The following SLC24A4 variants were observed in gnomAD, a reference collection of about 807,000 sequenced individuals.
SLC24A4 encodes the protein sodium/potassium/calcium exchanger 4.
In SLC24A4, 53 loss-of-function variants were observed where a neutral mutation model predicts 79.0. The observed-to-expected ratio is 0.67, with a 90% CI of 0.54 to 0.84. The LOEUF is 0.84. Among genes scored for constraint, SLC24A4 ranks in the 40% least tolerant of loss-of-function variants. The probability of loss-of-function intolerance (pLI) is 0.00; values close to 1 mark genes in which losing one functional copy is unlikely to be tolerated. For synonymous variants in SLC24A4, 323 were observed against 323.8 expected (o/e 1.00, Z 0.03); for missense variants, 731 against 822.0 (o/e 0.89, Z 1.35).
At chr14:92,399,861 G>T (rs1052150001) in intron 2 of SLC24A4, among the ~76,000 whole-genome samples, 3 of 152,128 alleles carry the variant, frequency 2.0e-5, no homozygotes, top group Non-Finnish European at 1.5e-5. Flanking sequence ...GGAGGGTGGG[G>T]TTAGGGAGGA....
intron 12 of SLC24A4, among the ~76,000 whole-genome samples, chr14:92,477,401 A>AT (rs1434506266): frequency 4.6e-5 from 7 of 152,146 alleles, no homozygotes; most frequent in Non-Finnish European, 8.8e-5. Flanking sequence ...TTGCAAAATG[A>AT]TTTTTTTCCA....
At chr14:92,351,236 G>GCGCGCGCACA (rs112120101) in intron 2 of SLC24A4, among the ~76,000 whole-genome samples, 12 of 146,984 alleles carry the variant, frequency 8.2e-5, no homozygotes, top group South Asian at 2.2e-4. Flanking sequence ...ACACATACAC[G>GCGCGCGCACA]CACACACACA....
chr14:92,465,657 G>A (rs1045105168), intron 12 of SLC24A4, among the ~76,000 whole-genome samples: 13 of 152,236 alleles, frequency 8.5e-5, no homozygotes, highest in Admixed American at 1.3e-4. Context: ...CTGCTTCAGC[G>A]AGGAAGCATA....
At chr14:92,360,847 G>A (rs925576246) in intron 2 of SLC24A4, among the ~76,000 whole-genome samples, 1 of 152,288 alleles carries the variant, frequency 6.6e-6, no homozygotes, top group Non-Finnish European at 1.5e-5. Flanking sequence ...ACGTTACCAC[G>A]GAGGCTCCTC....
intron 4 of SLC24A4, among the ~76,000 whole-genome samples, chr14:92,439,792 C>T (rs987662414): frequency 6.6e-6 from 1 of 152,222 alleles, no homozygotes; most frequent in Non-Finnish European, 1.5e-5. Flanking sequence ...CCACCCCCAC[C>T]CCGCCAGGGG....
intron 2 of SLC24A4, among the ~76,000 whole-genome samples, chr14:92,373,322 G>T (rs574992513): frequency 6.6e-6 from 1 of 152,226 alleles, no homozygotes; most frequent in East Asian, 1.9e-4. Context: ...GGGATTACAG[G>T]CGTGAGCCAC....
intron 2 of SLC24A4, among the ~76,000 whole-genome samples, chr14:92,364,688 T>C (rs1887724836): frequency 6.6e-6 from 1 of 152,194 alleles, no homozygotes; most frequent in Non-Finnish European, 1.5e-5. Flanking sequence ...CATCTGTGCA[T>C]GGCTGGCCCC....
chr14:92,450,885 C>G (rs188082901), intron 10 of SLC24A4: 2 of 152,530 alleles, frequency 1.3e-5, no homozygotes, highest in Admixed American at 1.3e-4. Flanking sequence ...ATGGGGGCCT[C>G]AGCTCCTCAC....
At chr14:92,377,344 G>T (rs547640880) in intron 2 of SLC24A4, among the ~76,000 whole-genome samples, 1 of 152,302 alleles carries the variant, frequency 6.6e-6, no homozygotes, top group Admixed American at 6.5e-5. Context: ...CATGGTCCTT[G>T]TTCATAAAGT....
chr14:92,427,270 C>G (rs1298259301), intron 2 of SLC24A4, among the ~76,000 whole-genome samples: 12 of 152,354 alleles, frequency 7.9e-5, no homozygotes, highest in Non-Finnish European at 2.9e-5. Context: ...ACATTCACTC[C>G]ATAGGCATTT....
chr14:92,419,826 C>T (rs1347997845), intron 2 of SLC24A4, among the ~76,000 whole-genome samples: 1 of 152,120 alleles, frequency 6.6e-6, no homozygotes, highest in Non-Finnish European at 1.5e-5. Flanking sequence ...TTGTTTTTCC[C>T]CAAAAGATAT....
chr14:92,341,204 A>T (rs999612695), intron 2 of SLC24A4, among the ~76,000 whole-genome samples: 1 of 152,176 alleles, frequency 6.6e-6, no homozygotes, highest in Non-Finnish European at 1.5e-5. Context: ...GGGAGGGGCC[A>T]CTGGCGCCTT....
intron 2 of SLC24A4, among the ~76,000 whole-genome samples, chr14:92,382,318 G>C (rs1026235062): frequency 3.9e-5 from 6 of 152,128 alleles, no homozygotes; most frequent in Admixed American, 3.3e-4. Flanking sequence ...GAACAGCCTT[G>C]CTCCACAACT....
chr14:92,324,579 G>C (rs1441730984), intron 1 of SLC24A4, among the ~76,000 whole-genome samples: 3 of 152,236 alleles, frequency 2.0e-5, no homozygotes, highest in Admixed American at 2.0e-4. Context: ...TTTGGGAGTA[G>C]CTTAGGCTAT....
intron 2 of SLC24A4, among the ~76,000 whole-genome samples, chr14:92,349,352 G>T (rs1332132837): frequency 1.3e-5 from 2 of 152,148 alleles, no homozygotes; most frequent in Admixed American, 1.3e-4. Flanking sequence ...TAGAGACAGG[G>T]TTTCGCCATG....
intron 2 of SLC24A4, among the ~76,000 whole-genome samples, chr14:92,418,041 C>G (rs1265299047): frequency 6.6e-6 from 1 of 152,224 alleles, no homozygotes; most frequent in East Asian, 1.9e-4. Flanking sequence ...GAAGCTGTTC[C>G]TTCCTTTCCA....
At chr14:92,413,200 C>T (rs910270153) in intron 2 of SLC24A4, among the ~76,000 whole-genome samples, 2 of 152,180 alleles carry the variant, frequency 1.3e-5, no homozygotes, top group African/African-American at 4.8e-5. Context: ...CTGCTGCTCT[C>T]CAATAAGGAG....
At chr14:92,384,262 C>G (rs565554601) in intron 2 of SLC24A4, among the ~76,000 whole-genome samples, 2 of 152,188 alleles carry the variant, frequency 1.3e-5, no homozygotes, top group African/African-American at 4.8e-5. Flanking sequence ...GTTTTAGCCT[C>G]TCTTCTGTAA....
chr14:92,482,775 A>G lies in SLC24A4; in HGVS notation c.1351A>G (p.Lys451Glu). 2 of 1,613,838 alleles carry G rather than the reference A, an allele frequency of 1.2e-6. No homozygotes were observed. The highest frequency in any genetic ancestry group is 1.7e-6 in the Non-Finnish European group (2 of 1,179,924). ...IPNCSKPRWE[K>E]FFMVTFITAT... ...CAACTGCAGCAAGCCCCGCTGGGAG[A>G]AGTTCTTCATGGTCACCTTCATCAC... The change falls in exon 13 of 17, where the codon AAG becomes GAG. Residue 451 changes from lysine to glutamate, a missense_variant. Coordinates refer to ENST00000532405, the MANE Select transcript of SLC24A4 (RefSeq NM_153646.4).
Sources: allele counts gnomAD v4.1 joint callset (sites outside exome capture counted in the v4.1 genomes callset), GRCh38; gene constraint gnomAD v4.1.1; transcripts MANE v1.5; gene names NCBI Gene and HGNC (gene_info 2026-07-23, HGNC 2026-07-21).